The following TAFA5 variants were observed in gnomAD, a reference collection of about 807,000 sequenced individuals.
The protein encoded by TAFA5 is chemokine-like protein TAFA-5.
TAFA5 carries 6 observed loss-of-function variants against 15.3 expected under a neutral mutation model. The observed-to-expected ratio is 0.39, with a 90% CI of 0.21 to 0.77. TAFA5 has a LOEUF of 0.77. Among genes scored for constraint, TAFA5 ranks in the 30% least tolerant of loss-of-function variants. The pLI is 0.41. For missense variants in TAFA5, 161 were observed against 193.1 expected, an observed-to-expected ratio of 0.83 and a Z score of 0.98; for synonymous variants, 103 against 80.7, an observed-to-expected ratio of 1.28 and a Z score of -1.48.
intron 1 of TAFA5, among the ~76,000 whole-genome samples, chr22:48,609,310 C>T (rs1925312300): frequency 6.6e-6 from 1 of 152,238 alleles, no homozygotes; most frequent in East Asian, 1.9e-4. Context: ...AGCCAAGTTT[C>T]TGAGTTAAGA....
At position 48,742,662 on chromosome 22, in the gene TAFA5, C is replaced by G. The variant is rs529217604; in HGVS notation, c.391-7177C>G. Among the ~76,000 whole-genome samples, 1 of 152,244 alleles carries G rather than the reference C, an allele frequency of 6.6e-6. No homozygotes were observed. Among genetic ancestry groups the G allele is most frequent in the African/African-American group, 2.4e-5 (1 of 41,538 alleles). On this transcript the variant is annotated intron_variant, in intron 3 of 3. Coordinates refer to ENST00000402357, the MANE Select transcript of TAFA5 (RefSeq NM_001082967.3). This position sits in a 1 kb window ranked among gnomAD's most constrained non-coding sequence, Gnocchi z 6.2. ...AGACCGGGCCGCATGGTGGACCAGG[C>G]AACGTGGTAGACCGGGCAGTGTGAT...
chr22:48,628,061 C>G (rs1212594297), intron 1 of TAFA5, among the ~76,000 whole-genome samples: 1 of 152,190 alleles, frequency 6.6e-6, no homozygotes, highest in African/African-American at 2.4e-5. Flanking sequence ...TCTCTGCAAG[C>G]CAGGCTGGGG....
At chr22:48,573,251 G>T (rs963838756) in intron 1 of TAFA5, among the ~76,000 whole-genome samples, 1 of 152,226 alleles carries the variant, frequency 6.6e-6, no homozygotes, top group Non-Finnish European at 1.5e-5. Context: ...GCATCCTTCT[G>T]TTGGTTCCCA....
intron 1 of TAFA5, among the ~76,000 whole-genome samples, chr22:48,526,179 G>A (rs1921775222): frequency 6.6e-6 from 1 of 152,236 alleles, no homozygotes; most frequent in Admixed American, 6.5e-5. Flanking sequence ...GCTGTCCAGG[G>A]CTGGGACTCC....
At chr22:48,586,640 C>T (rs1224359821) in intron 1 of TAFA5, among the ~76,000 whole-genome samples, 2 of 152,232 alleles carry the variant, frequency 1.3e-5, no homozygotes, top group African/African-American at 4.8e-5. Flanking sequence ...CACACATTTG[C>T]AGGGGTGCAG....
At chr22:48,605,047 ATGG>A (rs1460992781) in intron 1 of TAFA5, among the ~76,000 whole-genome samples, 1 of 150,646 alleles carries the variant, frequency 6.6e-6, no homozygotes, top group Non-Finnish European at 1.5e-5. Flanking sequence ...CGTGGTGATA[ATGG>A]TGGAGAGGAG....
chr22:48,696,890 A>C (rs1716279810), intron 2 of TAFA5, among the ~76,000 whole-genome samples: 3 of 152,238 alleles, frequency 2.0e-5, no homozygotes, highest in South Asian at 2.1e-4. Context: ...GGATACGAGG[A>C]GGGAGCTCCC....
intron 2 of TAFA5, among the ~76,000 whole-genome samples, chr22:48,667,960 A>G (rs113776302): frequency 5.9e-4 from 1 of 1,690 alleles, no homozygotes; most frequent in Non-Finnish European, 8.3e-4. Context: ...AGCACTCAGG[A>G]CCGCGTCTTC....
rs987640174 is a variant in TAFA5, at chr22:48,529,711, C to G, written c.112+40007C>G. ...GTCCAGGTGGGATTCCAGGGGTCTC[C>G]GACCAGGCTGAACTGTGGAAGAATC... On this transcript the variant is annotated intron_variant, in intron 1 of 3. Transcript: ENST00000402357. Among the ~76,000 whole-genome samples the G allele has an allele frequency of 2.0e-5, 3 of 151,656 alleles. No individual in the cohort carries two copies. In the East Asian group the frequency reaches 5.8e-4, roughly 30 times the overall value.
chr22:48,702,154 T>C (rs1056387600), intron 2 of TAFA5, among the ~76,000 whole-genome samples: 1 of 152,014 alleles, frequency 6.6e-6, no homozygotes, highest in Non-Finnish European at 1.5e-5. Context: ...TGTGTGCGTT[T>C]GTGTGTGGAC....
chr22:48,581,195 G>A (rs150292662), intron 1 of TAFA5, among the ~76,000 whole-genome samples: 149 of 152,316 alleles, frequency 9.8e-4, no homozygotes, highest in African/African-American at 3.3e-3. Flanking sequence ...GAATATAAAA[G>A]GACTGGAAAT....
chr22:48,720,753 G>A (rs1929544651), intron 3 of TAFA5, among the ~76,000 whole-genome samples: 1 of 126,562 alleles, frequency 7.9e-6, no homozygotes, highest in Admixed American at 7.6e-5. Context: ...TGGGCACGGA[G>A]CCTCCACAGG....
At chr22:48,713,353 G>A (rs1929311280) in intron 3 of TAFA5, among the ~76,000 whole-genome samples, 1 of 152,232 alleles carries the variant, frequency 6.6e-6, no homozygotes, top group Non-Finnish European at 1.5e-5. Context: ...CCAGGAGTGT[G>A]GTGTAGTCAG....
At chr22:48,562,288 C>G (rs1923259483) in intron 1 of TAFA5, among the ~76,000 whole-genome samples, 1 of 152,198 alleles carries the variant, frequency 6.6e-6, no homozygotes, top group African/African-American at 2.4e-5. Flanking sequence ...CAGGCGCCCG[C>G]CACTATGCCC....
intron 3 of TAFA5, among the ~76,000 whole-genome samples, chr22:48,710,298 G>A (rs758297597): frequency 3.9e-5 from 6 of 152,194 alleles, no homozygotes; most frequent in Non-Finnish European, 8.8e-5. Context: ...AACCTGTCAG[G>A]CTGCCTGGAT....
chr22:48,580,060 C>T (rs550859340), intron 1 of TAFA5, among the ~76,000 whole-genome samples: 6 of 152,310 alleles, frequency 3.9e-5, no homozygotes, highest in Admixed American at 2.6e-4. Context: ...GTCCAGCGGC[C>T]GCGGCACGGT....
At chr22:48,539,591 C>G in intron 1 of TAFA5, 1 of 424,768 alleles carries the variant, frequency 2.4e-6, no homozygotes, top group South Asian at 1.8e-5. Context: ...AGGTGGAAAT[C>G]GGGAAGGACG....
chr22:48,594,993 C>T (rs1469081898), intron 1 of TAFA5, among the ~76,000 whole-genome samples: 3 of 152,114 alleles, frequency 2.0e-5, no homozygotes, highest in Admixed American at 6.5e-5. Context: ...ATCAGCTCTC[C>T]CTGTCCACAC....
At chr22:48,629,853 C>T (rs1215555055) in intron 1 of TAFA5, among the ~76,000 whole-genome samples, 4 of 151,394 alleles carry the variant, frequency 2.6e-5, no homozygotes, top group Non-Finnish European at 5.9e-5. Flanking sequence ...TGGGAGAGGG[C>T]AGATGCCACC....
Sources: gnomAD v4.1 joint callset for allele counts (sites outside exome capture counted in the v4.1 genomes callset) on GRCh38, gnomAD v4.1.1 for gene constraint, Gnocchi (gnomAD v3.1) non-coding constraint, MANE v1.5 for transcripts, NCBI Gene and HGNC (gene_info 2026-07-23, HGNC 2026-07-21) for gene names.